The following HSPA4 variants were observed in gnomAD, a reference collection of about 807,000 sequenced individuals.
HSPA4 encodes heat shock 70 kDa protein 4.
In HSPA4, 25 loss-of-function variants were observed where a neutral mutation model predicts 106.2. The ratio of observed to expected loss-of-function variants is 0.24; its 90% CI spans 0.17 to 0.33. HSPA4 has a LOEUF of 0.33. Among genes scored for constraint, HSPA4 ranks in the 10% least tolerant of loss-of-function variants. The pLI, the probability that HSPA4 is intolerant of heterozygous loss-of-function variation, is 1.00. For synonymous variants in HSPA4, 332 were observed against 333.6 expected (o/e 1.00, Z 0.05); for missense variants, 841 against 996.0 (o/e 0.84, Z 2.10).
chr5:133,066,052 G>C (rs930118439), intron 2 of HSPA4, among the ~76,000 whole-genome samples: 5 of 152,328 alleles, frequency 3.3e-5, no homozygotes, highest in Admixed American at 2.0e-4. Context: ...TCTTTTAGGA[G>C]ACAGCAGGTA....
At chr5:133,083,169 G>A (rs902798334) in intron 7 of HSPA4, among the ~76,000 whole-genome samples, 2 of 147,562 alleles carry the variant, frequency 1.4e-5, no homozygotes, top group Admixed American at 6.8e-5. Flanking sequence ...AAAATTACCC[G>A]GGCTTGGTGG....
chr5:133,092,162 C>G (rs1375967543), intron 12 of HSPA4, among the ~76,000 whole-genome samples: 1 of 152,202 alleles, frequency 6.6e-6, no homozygotes, highest in Non-Finnish European at 1.5e-5. Context: ...TAATATGTTG[C>G]AGGCATTGAG....
chr5:133,094,518 A>T (rs966406056), intron 13 of HSPA4, among the ~76,000 whole-genome samples: 1 of 152,210 alleles, frequency 6.6e-6, no homozygotes, highest in Non-Finnish European at 1.5e-5. Flanking sequence ...GGCCTTTTTC[A>T]AGATGGAAGA....
intron 4 of HSPA4, 146 bp downstream of exon 4, chr5:133,070,642 C>T (rs1430376777): frequency 3.0e-5 from 27 of 913,906 alleles, no homozygotes; most frequent in Non-Finnish European, 4.3e-5. Flanking sequence ...TGGCTCACGC[C>T]TGTAATCCCA....
chr5:133,078,195 G>T lies in HSPA4; in HGVS notation c.908+1297G>T, dbSNP rs957721133. 3.6e-4 allele frequency among the ~76,000 whole-genome samples: 54 copies of T among 152,088 alleles called. 1 individual carries two copies. Among genetic ancestry groups the T allele is most frequent in the Admixed American group, 1.9e-3 (29 of 15,270 alleles). On this transcript the variant is annotated intron_variant, in intron 7 of 18. Transcript: ENST00000304858. The stretch of plus-strand genomic sequence containing the variant: ...AAAATACAAGAAATTAGCCGGGTAT[G>T]GTGGCGGGTGCCTGTAGTCCCAGCT...
In HSPA4 at chr5:133,080,681, T is replaced by TA. The variant is rs202132208; in HGVS notation, c.908+3783_908+3784insA. 3.9e-3 allele frequency among the ~76,000 whole-genome samples: 579 copies of TA among 150,314 alleles called. 3 individuals carry two copies. The highest frequency in any genetic ancestry group is 0.01 in the African/African-American group (422 of 41,150). On this transcript the variant is annotated intron_variant, in intron 7 of 18. Transcript: ENST00000304858. ...CTTGCCTATCTTACATATATATATA[T>TA]TTTTTTTTAGTTTGCCTTTTTTTTG...
chr5:133,104,630 G>A lies in HSPA4; in HGVS notation c.*194G>A. 5.3e-6 allele frequency: 3 copies of A among 571,416 alleles called. No homozygotes were observed. The highest frequency in any genetic ancestry group is 9.4e-4 in the Middle Eastern group (2 of 2,122). 35.4% of individuals were successfully genotyped at this position (571,416 alleles called of 1,614,324 possible). On this transcript the variant is annotated 3_prime_UTR_variant, in exon 19 of 19. Transcript: ENST00000304858. ...GTTAGATACAGAAATTAAGTGCATT[G>A]TATCTTTTTCATAATGGTACTATTT...
At chr5:133,081,425 C>T (rs1765514121) in intron 7 of HSPA4, among the ~76,000 whole-genome samples, 1 of 152,094 alleles carries the variant, frequency 6.6e-6, no homozygotes, top group African/African-American at 2.4e-5. Context: ...TGTTGTTCTG[C>T]TTAGTTTGGA....
chr5:133,064,412 A>T (rs994534032), intron 1 of HSPA4, among the ~76,000 whole-genome samples: 1 of 152,178 alleles, frequency 6.6e-6, no homozygotes, highest in Admixed American at 6.6e-5. Flanking sequence ...AGGCTGAGGC[A>T]TGAAAATCAC....
intron 3 of HSPA4, among the ~76,000 whole-genome samples, chr5:133,068,526 CAA>C (rs1229151874): frequency 6.6e-6 from 1 of 151,882 alleles, no homozygotes; most frequent in Admixed American, 6.6e-5. Context: ...GCTGGAAAGC[CAA>C]GAGATGTTGA....
rs397999293 is a variant in HSPA4, at chr5:133,055,307, A to ATTTTTT, written c.107+2976_107+2981dup. 1.1e-3 allele frequency among the ~76,000 whole-genome samples: 69 copies of ATTTTTT among 60,110 alleles called. 4 individuals carry two copies. Among genetic ancestry groups the ATTTTTT allele is most frequent in the African/African-American group, 2.7e-3 (43 of 16,178 alleles). 39.4% of individuals were successfully genotyped at this position (60,110 alleles called of 152,430 possible). On this transcript the variant is annotated intron_variant, in intron 1 of 18. Transcript: ENST00000304858. ...ATAGAAAATGGTAGCAGGAAGGTTG[A>ATTTTTT]TTTTTTTTTTTTTTTTTTTTTTTTT...
chr5:133,070,301 A>T, intron 3 of HSPA4, 73 bp from the exon 4 acceptor site: 1 of 1,439,254 alleles, frequency 6.9e-7, no homozygotes. Flanking sequence ...AGCATTGTTC[A>T]TTTTAGCTTT....
chr5:133,093,476 A>G (rs547544476), intron 13 of HSPA4, among the ~76,000 whole-genome samples: 1 of 152,162 alleles, frequency 6.6e-6, no homozygotes, highest in East Asian at 1.9e-4. Context: ...TCAATGATCC[A>G]TGCCTTTTAC....
intron 6 of HSPA4, 76 bp downstream of exon 6, chr5:133,074,202 C>A: frequency 1.0e-6 from 1 of 960,984 alleles, no homozygotes; most frequent in Non-Finnish European, 1.6e-6. Context: ...ATGATTTTTT[C>A]TCATCTACAA....
chr5:133,098,484 T>G (rs1190487262), intron 15 of HSPA4, among the ~76,000 whole-genome samples: 3 of 150,576 alleles, frequency 2.0e-5, no homozygotes, highest in Non-Finnish European at 4.4e-5. Flanking sequence ...GCTAATTTTT[T>G]TTTTTTTTGT....
intron 3 of HSPA4, among the ~76,000 whole-genome samples, 177 bp downstream of exon 3, chr5:133,067,734 G>A (rs1765326991): frequency 6.6e-6 from 1 of 152,128 alleles, no homozygotes; most frequent in Non-Finnish European, 1.5e-5. Context: ...GATGTTGGTT[G>A]GGAGCCATGA....
At chr5:133,079,960 C>T (rs1406471820) in intron 7 of HSPA4, among the ~76,000 whole-genome samples, 3 of 152,148 alleles carry the variant, frequency 2.0e-5, no homozygotes, top group African/African-American at 7.2e-5. Flanking sequence ...CTGGATAGAA[C>T]ATTCTTAGCT....
chr5:133,101,599 C>G (rs1210159703), intron 16 of HSPA4, 160 bp from the exon 17 acceptor site: 12 of 618,066 alleles, frequency 1.9e-5, no homozygotes, highest in Non-Finnish European at 3.3e-5. Context: ...GTTTCATTCC[C>G]CTCCTGAAGT....
chr5:133,083,144 CAA>C (rs1234574679), intron 7 of HSPA4, among the ~76,000 whole-genome samples: 8 of 70,664 alleles, frequency 1.1e-4, no homozygotes, highest in Admixed American at 1.5e-4. Flanking sequence ...CAAAAAAATA[CAA>C]AAAAAAAAAA....
Sources: allele counts gnomAD v4.1 joint callset (sites outside exome capture counted in the v4.1 genomes callset), GRCh38; gene constraint gnomAD v4.1.1; transcripts MANE v1.5; gene names NCBI Gene and HGNC (gene_info 2026-07-23, HGNC 2026-07-21).